CDH12: variants seen among roughly 807,000 people sequenced by gnomAD.
CDH12 encodes the protein cadherin-12.
In CDH12, 41 loss-of-function variants were observed where a neutral mutation model predicts 74.1. The ratio of observed to expected loss-of-function variants is 0.55; its 90% CI spans 0.43 to 0.72. The LOEUF is 0.72. Among genes scored for constraint, CDH12 ranks in the 30% least tolerant of loss-of-function variants. CDH12 has a pLI of 0.00. For missense variants in CDH12, 945 were observed against 977.2 expected (o/e 0.97, Z 0.44); for synonymous variants, 399 against 355.0 (o/e 1.12, Z -1.39).
chr5:22,147,589 TAAA>T lies in CDH12; in HGVS notation c.-187+64906_-187+64908del, dbSNP rs147619864. 1.5e-3 allele frequency among the ~76,000 whole-genome samples: 208 copies of T among 142,744 alleles called. 1 individual carries two copies. The highest frequency in any genetic ancestry group is 4.8e-3 in the African/African-American group (189 of 39,086). 93.6% of individuals were successfully genotyped at this position (142,744 alleles called of 152,430 possible). ...ATACCTGAGACTGGGTAGTTTATCT[TAAA>T]AAAAAAAAAAAAGAGGTTTAATGGA... On this transcript the variant is annotated intron_variant, in intron 4 of 14. Coordinates refer to ENST00000382254, the MANE Select transcript of CDH12 (RefSeq NM_004061.5).
At chr5:22,711,504 CA>C (rs1156324464) in intron 1 of CDH12, among the ~76,000 whole-genome samples, 12 of 152,172 alleles carry the variant, frequency 7.9e-5, no homozygotes, top group Non-Finnish European at 1.3e-4. Flanking sequence ...GGAAAACAAA[CA>C]GCAATTATAG....
intron 3 of CDH12, among the ~76,000 whole-genome samples, chr5:22,347,975 G>T (rs1459198151): frequency 6.6e-6 from 1 of 152,192 alleles, no homozygotes; most frequent in Non-Finnish European, 1.5e-5. Flanking sequence ...CATAATGCCT[G>T]TGGAGATTTT....
At chr5:22,515,704 C>G (rs1439779851) in intron 1 of CDH12, among the ~76,000 whole-genome samples, 3 of 152,082 alleles carry the variant, frequency 2.0e-5, no homozygotes, top group South Asian at 4.1e-4. Context: ...TTGATGATCT[C>G]TAATTAAAAA....
intron 5 of CDH12, among the ~76,000 whole-genome samples, chr5:22,016,293 A>C (rs773741958): frequency 6.6e-6 from 1 of 152,124 alleles, no homozygotes. Context: ...GATGCTTGCT[A>C]ATCTTAATTA....
At position 21,980,834 on chromosome 5, in the gene CDH12, C is replaced by T. The variant is rs539331649; in HGVS notation, c.232-5449G>A. On this transcript the variant is annotated intron_variant, in intron 5 of 14. Coordinates refer to ENST00000382254, the MANE Select transcript of CDH12 (RefSeq NM_004061.5). ...TGGTACACTGTACACTGTTTTGTAA[C>T]TTGCTTTTTAGATGGATTATATCAT... Among the ~76,000 whole-genome samples, 463 of 152,094 alleles carry T rather than the reference C, an allele frequency of 3.0e-3. 3 individuals are homozygous for T. The highest frequency in any genetic ancestry group is 0.011 in the African/African-American group (452 of 41,510).
At chr5:22,320,986 T>G (rs900724014) in intron 3 of CDH12, among the ~76,000 whole-genome samples, 3 of 152,206 alleles carry the variant, frequency 2.0e-5, no homozygotes, top group African/African-American at 7.2e-5. Flanking sequence ...TAGTCCTATG[T>G]TGCTCTATGA....
chr5:21,934,771 T>G (rs1419465232), intron 6 of CDH12, among the ~76,000 whole-genome samples: 1 of 151,890 alleles, frequency 6.6e-6, no homozygotes, highest in Non-Finnish European at 1.5e-5. Context: ...TCTCCCCCTT[T>G]CCCTCCACAT....
chr5:22,594,686 T>C (rs927263777), intron 1 of CDH12, among the ~76,000 whole-genome samples: 1 of 152,192 alleles, frequency 6.6e-6, no homozygotes, highest in South Asian at 2.1e-4. Flanking sequence ...TTTTAACTTA[T>C]GGATGCCAAT....
At chr5:22,665,625 C>T (rs1248834144) in intron 1 of CDH12, among the ~76,000 whole-genome samples, 1 of 152,124 alleles carries the variant, frequency 6.6e-6, no homozygotes, top group East Asian at 1.9e-4. Context: ...ATCTTCTTTT[C>T]AGATACATCT....
chr5:21,903,026 A>G (rs17298623), intron 6 of CDH12, among the ~76,000 whole-genome samples: 8,489 of 152,246 alleles, frequency 0.056, 266 homozygotes, highest in Non-Finnish European at 0.063. Context: ...CAAAATAATA[A>G]ATGGCCAAGG....
At chr5:21,926,979 G>A (rs192505920) in intron 6 of CDH12, among the ~76,000 whole-genome samples, 336 of 152,294 alleles carry the variant, frequency 2.2e-3, no homozygotes, top group Non-Finnish European at 3.5e-3. Flanking sequence ...TTCTAGGCCA[G>A]CAGTTGACTA....
Position 22,698,214 on chromosome 5 carries a change from T to G in CDH12, c.-523+154844A>C, listed in dbSNP as rs532097848. On this transcript the variant is annotated intron_variant, in intron 1 of 14. Coordinates refer to ENST00000382254, the MANE Select transcript of CDH12 (RefSeq NM_004061.5). The stretch of plus-strand genomic sequence containing the variant: ...TCAGCTCACTGCAACCTCTGCCTCC[T>G]GGGTTCAAGCAATTCTCCTGCCTCA... Among the ~76,000 whole-genome samples the G allele has an allele frequency of 1.1e-3, 158 of 144,968 alleles. 1 individual carries two copies. Among genetic ancestry groups the G allele is most frequent in the Non-Finnish European group, 1.3e-3 (84 of 66,740 alleles).
At chr5:22,085,623 C>T (rs1257086489) in intron 4 of CDH12, among the ~76,000 whole-genome samples, 1 of 151,678 alleles carries the variant, frequency 6.6e-6, no homozygotes, top group Non-Finnish European at 1.5e-5. Context: ...AATAGGTGGC[C>T]CTTTAATTTG....
At chr5:22,363,161 G>A (rs1248542781) in intron 3 of CDH12, among the ~76,000 whole-genome samples, 2 of 152,062 alleles carry the variant, frequency 1.3e-5, no homozygotes, top group Non-Finnish European at 2.9e-5. Context: ...AAAATTTGGA[G>A]ATTGTAAAAA....
intron 4 of CDH12, among the ~76,000 whole-genome samples, chr5:22,178,620 AG>A (rs1275238127): frequency 3.3e-5 from 5 of 152,160 alleles, no homozygotes; most frequent in African/African-American, 1.2e-4. Flanking sequence ...CATTCTGAAG[AG>A]TAACACCAAT....
At chr5:22,576,847 TG>T (rs1739816666) in intron 1 of CDH12, among the ~76,000 whole-genome samples, 1 of 152,126 alleles carries the variant, frequency 6.6e-6, no homozygotes, top group South Asian at 2.1e-4. Context: ...AAGGGAAAGA[TG>T]TTTTTCAATC....
intron 2 of CDH12, among the ~76,000 whole-genome samples, chr5:22,497,329 A>G (rs1747139502): frequency 6.6e-6 from 1 of 152,116 alleles, no homozygotes; most frequent in Non-Finnish European, 1.5e-5. Context: ...CTATATTCCC[A>G]TTGCTCAGGC....
rs540046960 is a variant in CDH12 at position 22,157,002 on chromosome 5, T to C, written c.-187+55496A>G. On this transcript the variant is annotated intron_variant, in intron 4 of 14. Transcript: ENST00000382254. ...ACAAGTCTCTATGCTATCTGAACTC[T>C]AGTATTAACAGGTGAAAAATGACAT... 9.9e-5 allele frequency among the ~76,000 whole-genome samples: 15 copies of C among 152,262 alleles called. No homozygotes were observed. The East Asian group carries it at 2.9e-3, about 29-fold the overall frequency.
chr5:22,743,292 G>A (rs374336862), intron 1 of CDH12, among the ~76,000 whole-genome samples: 1 of 145,346 alleles, frequency 6.9e-6, no homozygotes, highest in African/African-American at 2.5e-5. Context: ...GTATATATAT[G>A]TATATGTATA....
Sources: allele counts gnomAD v4.1 joint callset (sites outside exome capture counted in the v4.1 genomes callset), GRCh38; gene constraint gnomAD v4.1.1; transcripts MANE v1.5; gene names NCBI Gene and HGNC (gene_info 2026-07-23, HGNC 2026-07-21).